The following IGSF5 variants were observed in gnomAD, a reference collection of about 807,000 sequenced individuals.
IGSF5 encodes immunoglobulin superfamily member 5.
In IGSF5, 41 loss-of-function variants were observed where a neutral mutation model predicts 39.4. That is an observed-to-expected ratio of 1.04 (90% confidence interval 0.81 to 1.35). The LOEUF is 1.35. Among genes scored for constraint, IGSF5 ranks in the 40% most tolerant of loss-of-function variants. The probability of loss-of-function intolerance (pLI) is 0.00; values close to 1 mark genes in which losing one functional copy is unlikely to be tolerated. For missense variants in IGSF5, 487 were observed against 494.6 expected (o/e 0.98, Z 0.15); for synonymous variants, 183 against 175.3 (o/e 1.04, Z -0.34).
chr21:39,749,613 C>T lies in IGSF5; in HGVS notation c.100+3315C>T, dbSNP rs139666437. On this transcript the variant is annotated intron_variant, in intron 2 of 8. Coordinates refer to ENST00000380588, the MANE Select transcript of IGSF5 (RefSeq NM_001080444.2). ...AAACATGTGCCCAAAGTGGTCAGGG[C>T]ACAGCCTGGTTTTATACATTTTGTG... 5.6e-3 allele frequency among the ~76,000 whole-genome samples: 860 copies of T among 152,286 alleles called. 5 individuals carry two copies. Among genetic ancestry groups the T allele is most frequent in the African/African-American group, 0.02 (826 of 41,558 alleles).
the IGSF5 span, among the ~76,000 whole-genome samples, chr21:39,733,115 A>G: frequency 6.6e-6 from 1 of 152,172 alleles, no homozygotes; most frequent in Non-Finnish European, 1.5e-5. Context: ...AGACAAAATA[A>G]AAGAAAACAA....
chr21:39,798,893 A>G (rs1569261555), intron 8 of IGSF5, among the ~76,000 whole-genome samples: 1 of 152,046 alleles, frequency 6.6e-6, no homozygotes, highest in Non-Finnish European at 1.5e-5. Context: ...CAGTGCTGGG[A>G]ATCCTTTGAA....
Position 39,773,627 on chromosome 21 carries a change from C to T in IGSF5, c.718+2412C>T, listed in dbSNP as rs190653110. Among the ~76,000 whole-genome samples, 695 of 152,190 alleles carry T rather than the reference C, an allele frequency of 4.6e-3. 1 individual carries two copies. The highest frequency in any genetic ancestry group is 7.9e-3 in the Non-Finnish European group (537 of 68,014). ...CTGGTGCTGGTGTCCTTCCGACATC[C>T]CCCTATTAGTTTTTGAGCACCTGGA... On this transcript the variant is annotated intron_variant, in intron 4 of 8. Coordinates refer to ENST00000380588, the MANE Select transcript of IGSF5 (RefSeq NM_001080444.2).
At chr21:39,753,502 G>T (rs978535341) in intron 2 of IGSF5, among the ~76,000 whole-genome samples, 9 of 151,978 alleles carry the variant, frequency 5.9e-5, no homozygotes, top group African/African-American at 1.9e-4. Context: ...TTTGTTCTAG[G>T]GTATAGTTTA....
At position 39,765,227 on chromosome 21, in the gene IGSF5, T is replaced by A. The variant is rs139293103; in HGVS notation, c.101-308T>A. On this transcript the variant is annotated intron_variant, in intron 2 of 8. Transcript: ENST00000380588. The stretch of plus-strand genomic sequence containing the variant: ...ATCTTGAGATCCTTACCTAATTACA[T>A]CTGCAAAGACCCTATTTTCAAAGGT... 1.7e-3 allele frequency among the ~76,000 whole-genome samples: 252 copies of A among 152,262 alleles called. 2 individuals carry two copies. The highest frequency in any genetic ancestry group is 9.6e-4 in the East Asian group (5 of 5,184).
rs1175225305 is a variant in IGSF5, at chr21:39,779,269, T to A, written c.898T>A (p.Cys300Ser). 1 of 1,613,304 alleles carries A rather than the reference T, an allele frequency of 6.2e-7. No individual in the cohort carries two copies. Among genetic ancestry groups the A allele is most frequent in the South Asian group, 1.1e-5 (1 of 91,060 alleles). The change falls in exon 5 of 9, where the codon TGC (cysteine) becomes AGC (serine). Residue 300 changes from cysteine to serine, a missense_variant. Physicochemically the swap from Cys to Ser is moderately radical, Grantham distance 112. Coordinates refer to ENST00000380588, the MANE Select transcript of IGSF5 (RefSeq NM_001080444.2). ...CCGTCGTTGTTGTGGCTGCAACTGC[T>A]GCTGCCGTTGTTGTTTCTGCTGTAG... ...CRRRCCGCNC[C>S]CRCCFCCRRK...
At chr21:39,770,855 A>T in intron 3 of IGSF5, 61 bp from the exon 4 acceptor site, 1 of 1,181,862 alleles carries the variant, frequency 8.5e-7, no homozygotes, top group Non-Finnish European at 1.1e-6. Context: ...AAAAAAAAAG[A>T]AAACTTAGAA....
chr21:39,757,789 C>G (rs1026454920), intron 2 of IGSF5, among the ~76,000 whole-genome samples: 1 of 152,150 alleles, frequency 6.6e-6, no homozygotes, highest in Admixed American at 6.6e-5. Context: ...GTTGGCCAGG[C>G]TGATCTCGAA....
the IGSF5 span, among the ~76,000 whole-genome samples, chr21:39,726,620 T>C: frequency 3.3e-5 from 5 of 152,198 alleles, no homozygotes; most frequent in African/African-American, 1.2e-4. Flanking sequence ...TGTCCTACGC[T>C]TCTAGCCCTG....
chr21:39,723,253 C>T, the IGSF5 span, among the ~76,000 whole-genome samples: 2 of 152,126 alleles, frequency 1.3e-5, no homozygotes, highest in Non-Finnish European at 1.5e-5. Flanking sequence ...TTCTTGCAGG[C>T]TGTTGGACTG....
intron 5 of IGSF5, among the ~76,000 whole-genome samples, chr21:39,787,552 G>GTTTTTTTTT (rs33925299): frequency 1.5e-4 from 18 of 119,902 alleles, no homozygotes; most frequent in Admixed American, 2.8e-4. Context: ...TAATGACAGT[G>GTTTTTTTTT]TTTTTTTTTT....
the IGSF5 span, among the ~76,000 whole-genome samples, chr21:39,720,549 G>A: frequency 2.0e-5 from 3 of 152,172 alleles, no homozygotes; most frequent in Non-Finnish European, 4.4e-5. Context: ...CAGGAAACTT[G>A]ACCAGTACTG....
chr21:39,746,121 G>A, intron 1 of IGSF5, 95 bp from the exon 2 acceptor site: 1 of 695,246 alleles, frequency 1.4e-6, no homozygotes. Flanking sequence ...CTAGTGTTTA[G>A]CTCGATTAGG....
At chr21:39,801,172 C>T in intron 8 of IGSF5, 90 bp from the exon 9 acceptor site, 2 of 886,212 alleles carry the variant, frequency 2.3e-6, no homozygotes, top group Non-Finnish European at 3.7e-6. Context: ...TTAATTTTAT[C>T]TTAACAGATG....
At chr21:39,798,813 C>T (rs905569252) in intron 8 of IGSF5, among the ~76,000 whole-genome samples, 2 of 152,244 alleles carry the variant, frequency 1.3e-5, no homozygotes, top group Non-Finnish European at 2.9e-5. Context: ...CACACTGCCA[C>T]GGAGATGAGC....
chr21:39,730,726 G>A, the IGSF5 span: 1 of 152,142 alleles, frequency 6.6e-6, no homozygotes, highest in Non-Finnish European at 1.5e-5. Flanking sequence ...ATAAAATAGA[G>A]TAAATTAGAT....
chr21:39,798,634 T>C (rs190130282), intron 8 of IGSF5, among the ~76,000 whole-genome samples: 265 of 152,286 alleles, frequency 1.7e-3, no homozygotes, highest in African/African-American at 6.0e-3. Context: ...GAATACGTCA[T>C]CTTTGTCATG....
the IGSF5 span, among the ~76,000 whole-genome samples, chr21:39,739,511 G>A: frequency 6.6e-6 from 1 of 152,124 alleles, no homozygotes; most frequent in Non-Finnish European, 1.5e-5. Context: ...CAAGCCCCTT[G>A]TTTAAAGGTG....
At chr21:39,788,110 T>C in intron 5 of IGSF5, 57 bp from the exon 6 acceptor site, 2 of 1,387,276 alleles carry the variant, frequency 1.4e-6, no homozygotes, top group Non-Finnish European at 2.0e-6. Flanking sequence ...TTAATGAGAC[T>C]CGATTTTTAG....
Sources: allele counts gnomAD v4.1 joint callset (sites outside exome capture counted in the v4.1 genomes callset), GRCh38; gene constraint gnomAD v4.1.1; transcripts MANE v1.5; gene names NCBI Gene and HGNC (gene_info 2026-07-23, HGNC 2026-07-21).